PRKAR1A: variants seen among roughly 807,000 people sequenced by gnomAD.
PRKAR1A encodes cAMP-dependent protein kinase type I-alpha regulatory subunit.
PRKAR1A carries 3 observed loss-of-function variants against 52.0 expected under a neutral mutation model. The ratio of observed to expected loss-of-function variants is 0.06; its 90% CI spans 0.03 to 0.15. PRKAR1A has a LOEUF of 0.15. Ranked by LOEUF, PRKAR1A falls within the 10% of genes least tolerant of loss-of-function variation. The pLI is 1.00. For synonymous variants in PRKAR1A, 188 were observed against 168.4 expected, an observed-to-expected ratio of 1.12 and a Z score of -0.90; for missense variants, 240 against 477.4, an observed-to-expected ratio of 0.50 and a Z score of 4.63.
rs1347572891 is a variant in PRKAR1A, at chr17:68,532,361, A to G, written c.*1912A>G. On this transcript the variant is annotated 3_prime_UTR_variant, in exon 11 of 11. Coordinates refer to ENST00000589228, the MANE Select transcript of PRKAR1A (RefSeq NM_002734.5). ...TGCTCATGTATATTTAGTTACGTAT[A>G]ATGCTTTCTGAGTGAGTTTTACTCT... The G allele has an allele frequency of 1.9e-6, 2 of 1,056,800 alleles. No individual in the cohort carries two copies. The highest frequency in any genetic ancestry group is 2.3e-6 in the Non-Finnish European group (2 of 871,448). The allele number at this position is 1,056,800 out of a possible 1,614,324, so 65.5% of individuals were successfully genotyped here.
chr17:68,501,126 T>C, the PRKAR1A span, among the ~76,000 whole-genome samples: 1 of 152,176 alleles, frequency 6.6e-6, no homozygotes, highest in Non-Finnish European at 1.5e-5. Context: ...AGAAGTGTCA[T>C]CTTGGTTTCC....
At chr17:68,426,254 G>GT in the PRKAR1A span, 3 of 816,890 alleles carry the variant, frequency 3.7e-6, no homozygotes, top group Non-Finnish European at 5.8e-6. Flanking sequence ...GGGAGCGGGG[G>GT]CTCAAATAAA....
At chr17:68,481,764 A>G in the PRKAR1A span, among the ~76,000 whole-genome samples, 1 of 152,144 alleles carries the variant, frequency 6.6e-6, no homozygotes, top group East Asian at 1.9e-4. Context: ...TTAGGCACCC[A>G]TTGTATGCTG....
At chr17:68,421,918 G>C in the PRKAR1A span, 1 of 1,498,964 alleles carries the variant, frequency 6.7e-7, no homozygotes, top group Non-Finnish European at 9.3e-7. Context: ...AGTGAGCAGG[G>C]AGAGGCTGGG....
chr17:68,472,093 C>T, the PRKAR1A span, among the ~76,000 whole-genome samples: 4 of 152,170 alleles, frequency 2.6e-5, no homozygotes, highest in African/African-American at 7.2e-5. Context: ...CCTGAGCCAC[C>T]GCGCCCAGCC....
chr17:68,463,282 G>C, the PRKAR1A span, among the ~76,000 whole-genome samples: 3 of 152,170 alleles, frequency 2.0e-5, no homozygotes, highest in Admixed American at 2.0e-4. Flanking sequence ...AGTCTCTGAG[G>C]CTCCCTTGTG....
upstream of PRKAR1A, among the ~76,000 whole-genome samples, chr17:68,507,964 TG>T (rs2085218547): frequency 6.6e-6 from 1 of 152,226 alleles, no homozygotes; most frequent in African/African-American, 2.4e-5. Context: ...TTGCTGTGAA[TG>T]TATTTTTTTT....
intron 2 of PRKAR1A, among the ~76,000 whole-genome samples, chr17:68,517,936 G>A (rs2085483539): frequency 1.3e-5 from 2 of 152,220 alleles, no homozygotes; most frequent in South Asian, 4.1e-4. Context: ...CCAAATGGGA[G>A]AACTTGGTCA....
At chr17:68,422,883 C>G in the PRKAR1A span, among the ~76,000 whole-genome samples, 1 of 152,060 alleles carries the variant, frequency 6.6e-6, no homozygotes, top group South Asian at 2.1e-4. Flanking sequence ...CTCATCCTCC[C>G]GAATGTAGCA....
chr17:68,414,105 C>G, the PRKAR1A span: 1 of 158,258 alleles, frequency 6.3e-6, no homozygotes, highest in Middle Eastern at 2.9e-3. Context: ...AGCTGTAGAC[C>G]GGAGCTGTTC....
the PRKAR1A span, among the ~76,000 whole-genome samples, chr17:68,479,856 A>G: frequency 0.22 from 33,910 of 152,190 alleles, 3,988 homozygotes; most frequent in South Asian, 0.25. Context: ...CAATCATGGT[A>G]GAAGGGGAAG....
At chr17:68,472,866 A>G in the PRKAR1A span, among the ~76,000 whole-genome samples, 31 of 151,968 alleles carry the variant, frequency 2.0e-4, no homozygotes, top group Non-Finnish European at 4.0e-4. Context: ...AATCACTTCA[A>G]CCCGGGAGGC....
chr17:68,450,786 G>T, the PRKAR1A span: 1 of 1,613,978 alleles, frequency 6.2e-7, no homozygotes, highest in East Asian at 2.2e-5. Flanking sequence ...ACAGATCTCT[G>T]TGCCTTTCTT....
intron 11 of PRKAR1A, chr17:68,542,288 G>A: frequency 9.6e-7 from 1 of 1,042,610 alleles, no homozygotes. Flanking sequence ...GGAAGAGAAA[G>A]AAGAAGAAGG....
the PRKAR1A span, among the ~76,000 whole-genome samples, chr17:68,489,923 G>A: frequency 6.6e-6 from 1 of 152,098 alleles, no homozygotes; most frequent in South Asian, 2.1e-4. Flanking sequence ...GTGGGAGAAT[G>A]GTAATTGGTC....
chr17:68,461,782 C>T, the PRKAR1A span, among the ~76,000 whole-genome samples: 5 of 151,988 alleles, frequency 3.3e-5, no homozygotes, highest in Non-Finnish European at 7.4e-5. The surrounding 1 kb of genome is among the most constrained non-coding windows in gnomAD (Gnocchi z 4.6). Flanking sequence ...TGTGTCAGTA[C>T]GTGGAGGAAG....
the PRKAR1A span, among the ~76,000 whole-genome samples, chr17:68,475,786 T>A: frequency 6.6e-6 from 1 of 152,192 alleles, no homozygotes; most frequent in Non-Finnish European, 1.5e-5. Flanking sequence ...ATACACAGAC[T>A]TTTCGTTGTA....
chr17:68,439,665 G>A, the PRKAR1A span, among the ~76,000 whole-genome samples: 1 of 152,182 alleles, frequency 6.6e-6, no homozygotes, highest in South Asian at 2.1e-4. Flanking sequence ...TTTATTTTAA[G>A]GCATGTTTCA....
chr17:68,432,844 T>G, the PRKAR1A span, among the ~76,000 whole-genome samples: 1 of 152,168 alleles, frequency 6.6e-6, no homozygotes, highest in Non-Finnish European at 1.5e-5. Context: ...GGCTGCTCCT[T>G]TCTCACTCCT....
Sources: gnomAD v4.1 joint callset for allele counts (sites outside exome capture counted in the v4.1 genomes callset) on GRCh38, gnomAD v4.1.1 for gene constraint, Gnocchi (gnomAD v3.1) non-coding constraint, MANE v1.5 for transcripts, NCBI Gene and HGNC (gene_info 2026-07-23, HGNC 2026-07-21) for gene names.